The following RHOBTB1 variants were observed in gnomAD, a reference collection of about 807,000 sequenced individuals.
RHOBTB1 encodes rho-related BTB domain-containing protein 1.
In RHOBTB1, 40 loss-of-function variants were observed where a neutral mutation model predicts 71.6. The ratio of observed to expected loss-of-function variants is 0.56; its 90% CI spans 0.43 to 0.73. The LOEUF (loss-of-function observed/expected upper bound fraction) is 0.73. Among genes scored for constraint, RHOBTB1 ranks in the 30% least tolerant of loss-of-function variants. RHOBTB1 has a pLI of 0.00. For synonymous variants in RHOBTB1, 319 were observed against 334.9 expected, an observed-to-expected ratio of 0.95 and a Z score of 0.52; for missense variants, 797 against 894.0, an observed-to-expected ratio of 0.89 and a Z score of 1.38.
At chr10:60,990,148 A>G (rs1012020652) in intron 1 of RHOBTB1, among the ~76,000 whole-genome samples, 3 of 151,654 alleles carry the variant, frequency 2.0e-5, no homozygotes, top group Non-Finnish European at 4.4e-5. Context: ...ACGCCTGGAT[A>G]ATTTTTTGTA....
chr10:60,892,771 C>T, intron 5 of RHOBTB1, 39 bp downstream of exon 5: 1 of 1,558,666 alleles, frequency 6.4e-7, no homozygotes, highest in South Asian at 1.2e-5. Flanking sequence ...TAAATTTTAA[C>T]TTGGTCAGGA....
chr10:60,905,643 A>G (rs1354291741), intron 4 of RHOBTB1, among the ~76,000 whole-genome samples: 1 of 151,932 alleles, frequency 6.6e-6, no homozygotes, highest in Non-Finnish European at 1.5e-5. Flanking sequence ...TTTTATGCCC[A>G]AAGCGAGTGA....
At chr10:60,911,043 G>A (rs1328431447) in intron 3 of RHOBTB1, 53 bp from the exon 4 acceptor site, 5 of 1,449,920 alleles carry the variant, frequency 3.4e-6, no homozygotes, top group Non-Finnish European at 3.9e-6. Context: ...AAGTTCCCCA[G>A]GAGAAGCGTG....
chr10:60,992,318 G>C (rs148246796), intron 1 of RHOBTB1, among the ~76,000 whole-genome samples: 6 of 152,276 alleles, frequency 3.9e-5, no homozygotes, highest in Non-Finnish European at 8.8e-5. Flanking sequence ...GATATAAGAT[G>C]TGTGCTAAGA....
chr10:60,938,495 T>C (rs990321359), intron 2 of RHOBTB1, among the ~76,000 whole-genome samples: 2 of 152,232 alleles, frequency 1.3e-5, no homozygotes, highest in Non-Finnish European at 2.9e-5. Context: ...AGGACATTCC[T>C]GGCTCCATGA....
At chr10:60,864,431 T>C in the RHOBTB1 span, among the ~76,000 whole-genome samples, 1 of 152,140 alleles carries the variant, frequency 6.6e-6, no homozygotes, top group Non-Finnish European at 1.5e-5. Context: ...CATGGAAATA[T>C]TTGAATAAAA....
At position 60,995,846 on chromosome 10, in the gene RHOBTB1, TA is replaced by T. The variant is rs566299982; in HGVS notation, c.-163+5552del. On this transcript the variant is annotated intron_variant, in intron 1 of 11. Coordinates refer to the RHOBTB1 transcript ENST00000357917. Reference sequence around the variant, plus strand: ...CCTCTTTTTTTCACTTCCCCCAAGATAAAAAAAAAAATCAGGTTCAAGCAGG... The same window carrying T: ...CCTCTTTTTTTCACTTCCCCCAAGATAAAAAAAAAATCAGGTTCAAGCAGG... Among the ~76,000 whole-genome samples the T allele has an allele frequency of 6.8e-3, 999 of 146,918 alleles. 5 individuals carry two copies. The highest frequency in any genetic ancestry group is 9.3e-3 in the Non-Finnish European group (615 of 66,240).
In RHOBTB1 at chr10:60,963,535, C is replaced by T. The variant is rs1436053032; in HGVS notation, c.-61-21681G>A. 3.3e-5 allele frequency among the ~76,000 whole-genome samples: 5 copies of T among 152,222 alleles called. No homozygotes were observed. In the East Asian group the frequency reaches 9.7e-4, roughly 29 times the overall value. The stretch of plus-strand genomic sequence containing the variant: ...AGAAAGCCTCTGCCTTAGAAAAATG[C>T]ATATTCAGGCTCTCCCTTTGTCTAT... On this transcript the variant is annotated intron_variant, in intron 2 of 11. Transcript: ENST00000357917.
At chr10:60,903,225 CAT>C (rs1182054261) in intron 4 of RHOBTB1, among the ~76,000 whole-genome samples, 1 of 152,114 alleles carries the variant, frequency 6.6e-6, no homozygotes, top group East Asian at 1.9e-4. Flanking sequence ...TAAATTCTAA[CAT>C]AATGCATGTT....
intron 2 of RHOBTB1, among the ~76,000 whole-genome samples, chr10:60,954,367 A>G (rs1484805209): frequency 6.6e-6 from 1 of 152,328 alleles, no homozygotes; most frequent in Non-Finnish European, 1.5e-5. Context: ...AGCAGTCTCA[A>G]AAAGGCTTTA....
rs115029484 is a variant in RHOBTB1, at chr10:60,990,634, C to T, written c.-162-4689G>A. Among the ~76,000 whole-genome samples, 979 of 152,286 alleles carry T rather than the reference C, an allele frequency of 6.4e-3. 12 individuals carry two copies. Among genetic ancestry groups the T allele is most frequent in the African/African-American group, 0.022 (926 of 41,552 alleles). ...TCCTAGAACCCTTGCTCCTCTGCCCCCCATGACCCAGGAATCCCTGCATTT... is the reference window on the plus strand; with the variant it reads ...TCCTAGAACCCTTGCTCCTCTGCCCTCCATGACCCAGGAATCCCTGCATTT... On this transcript the variant is annotated intron_variant, in intron 1 of 11. Coordinates refer to the RHOBTB1 transcript ENST00000357917.
At position 60,871,454 on chromosome 10, in the gene RHOBTB1, C is replaced by T. The variant is rs765951496; in HGVS notation, c.*28G>A. On this transcript the variant is annotated 3_prime_UTR_variant, in exon 11 of 11. Transcript: ENST00000337910. ...GGTGGATCAGATTACCGATTGGTTT[C>T]TGTTTTTTGTTTTTTTTCTCTTCCT... The T allele has an allele frequency of 1.9e-6, 3 of 1,607,098 alleles. No individual in the cohort carries two copies. The highest frequency in any genetic ancestry group is 2.5e-6 in the Non-Finnish European group (3 of 1,176,636).
chr10:60,905,405 G>A (rs757932076), intron 4 of RHOBTB1, among the ~76,000 whole-genome samples: 16 of 132,194 alleles, frequency 1.2e-4, no homozygotes, highest in South Asian at 2.4e-4. Context: ...AGCCAAGATC[G>A]CGCCACTGCA....
At position 60,877,975 on chromosome 10, in the gene RHOBTB1, A is replaced by C. The variant is rs2081122010; in HGVS notation, c.1659T>G (p.Asp553Glu). ...AGGCAATTAATTCCAGCGGGTCCAG[A>C]TCCAAGTTAGGAGACAACTGCTTGG... ...LYTKQLSPNL[D>E]LDPLELIALA... Residue 553 changes from aspartate to glutamate, a missense_variant, in exon 8 of 11, where the codon GAT becomes GAG. This residue lies in a region of RHOBTB1 where 658 missense variants were observed against 681.5 expected (regional missense o/e 0.97). Coordinates refer to ENST00000337910, the MANE Select transcript of RHOBTB1 (RefSeq NM_014836.5). The C allele has an allele frequency of 6.2e-7, 1 of 1,613,952 alleles. No individual in the cohort carries two copies. The highest frequency in any genetic ancestry group is 1.3e-5 in the African/African-American group (1 of 74,926).
intron 5 of RHOBTB1, among the ~76,000 whole-genome samples, chr10:60,891,334 C>CTGT (rs2081906828): frequency 1.4e-5 from 1 of 71,320 alleles, no homozygotes; most frequent in East Asian, 5.0e-4. Context: ...TTGCTGTTTG[C>CTGT]TTTTTTTTTT....
intron 2 of RHOBTB1, among the ~76,000 whole-genome samples, chr10:60,966,959 A>G (rs1421929613): frequency 6.6e-6 from 1 of 151,944 alleles, no homozygotes; most frequent in Non-Finnish European, 1.5e-5. Context: ...TGTAAGCACG[A>G]CAAAGTTCTT....
intron 2 of RHOBTB1, among the ~76,000 whole-genome samples, chr10:60,941,201 T>C (rs988282867): frequency 6.6e-6 from 1 of 152,196 alleles, no homozygotes; most frequent in African/African-American, 2.4e-5. Flanking sequence ...GTTTAGGTCT[T>C]AGAGTAAGAC....
At position 60,888,465 on chromosome 10, in the gene RHOBTB1, C is replaced by T; in HGVS notation, c.1203G>A (p.Arg401=). The T allele has an allele frequency of 5.6e-6, 9 of 1,614,218 alleles. No homozygotes were observed. The highest frequency in any genetic ancestry group is 7.6e-6 in the Non-Finnish European group (9 of 1,180,040). The part of the protein sequence containing the change: ...SKRMGPMTVV[R]MDASVQPGPF... ...GGCCTGGCTGGACTGAAGCGTCCAT[C>T]CTGACCACAGTCATGGGCCCCATCC... The change falls in exon 6 of 11, where the codon AGG becomes AGA. Residue 401 remains arginine (R), a synonymous_variant. Coordinates refer to ENST00000337910, the MANE Select transcript of RHOBTB1 (RefSeq NM_014836.5).
rs566621079 is a variant in RHOBTB1, at chr10:60,929,899, A to G, written c.-11+11905T>C. ...TATCCCACATTTTTTAAACCTACAA[A>G]AAGACAGCTTTCTTTCAAGTGTTCT... On this transcript the variant is annotated intron_variant, in intron 2 of 10. Transcript: ENST00000337910. 3.9e-4 allele frequency among the ~76,000 whole-genome samples: 60 copies of G among 152,304 alleles called. 1 individual carries two copies. The South Asian group carries it at 0.012, about 30-fold the overall frequency.
Sources: gnomAD v4.1 joint callset for allele counts (sites outside exome capture counted in the v4.1 genomes callset) on GRCh38, gnomAD v4.1.1 for gene constraint, gnomAD v4.1.1 regional missense constraint, MANE v1.5 for transcripts, NCBI Gene and HGNC (gene_info 2026-07-23, HGNC 2026-07-21) for gene names.